The following SHISA9 variants were observed in gnomAD, a reference collection of about 807,000 sequenced individuals.
SHISA9 encodes protein shisa-9.
SHISA9 carries 13 observed loss-of-function variants against 38.0 expected under a neutral mutation model. That is an observed-to-expected ratio of 0.34 (90% CI 0.22 to 0.54). The LOEUF is 0.54. SHISA9 is among the 20% of genes least tolerant of loss of function. The pLI, the probability that SHISA9 is intolerant of heterozygous loss-of-function variation, is 0.91. For missense variants in SHISA9, 538 were observed against 575.8 expected, an observed-to-expected ratio of 0.93 and a Z score of 0.67; for synonymous variants, 275 against 242.0, an observed-to-expected ratio of 1.14 and a Z score of -1.27.
Position 13,187,290 on chromosome 16 carries a change from AC to A in SHISA9, c.692-16102del, listed in dbSNP as rs887763631. Among the ~76,000 whole-genome samples the A allele has an allele frequency of 2.7e-4, 41 of 149,644 alleles. 2 individuals carry two copies. Among genetic ancestry groups the A allele is most frequent in the Middle Eastern group, 7.1e-3 (2 of 282 alleles). ...AAACTTCTCAGGAGGTAGGATTGGC[AC>A]CTTGAGGGACAGAGAAGGCTTCTTT... On this transcript the variant is annotated intron_variant, in intron 2 of 4. Transcript: ENST00000558583.
intron 2 of SHISA9, among the ~76,000 whole-genome samples, chr16:13,097,855 C>T (rs749644169): frequency 6.6e-5 from 10 of 152,180 alleles, no homozygotes; most frequent in Non-Finnish European, 1.5e-4. Context: ...TCCTACTTCA[C>T]CAGGTTGTCC....
intron 2 of SHISA9, among the ~76,000 whole-genome samples, chr16:13,013,724 AAAT>A (rs1196892947): frequency 4.6e-5 from 7 of 152,090 alleles, no homozygotes; most frequent in African/African-American, 1.7e-4. Context: ...CAAGGCTGGA[AAAT>A]AATACCTTTT....
At position 13,203,362 on chromosome 16, in the gene SHISA9, G is replaced by T. The variant is rs941193901; in HGVS notation, c.692-32G>T. ...GAAGGTAGATGGTTCTGCCCTGTCT[G>T]TGACAATCTCCTTCTGTGTCTTCAC... On this transcript the variant is annotated intron_variant, in intron 2 of 4. Transcript: ENST00000558583. The T allele has an allele frequency of 7.3e-6, 11 of 1,496,634 alleles. No individual in the cohort carries two copies. In the Admixed American group the frequency reaches 2.6e-4, roughly 35 times the overall value. 92.7% of individuals were successfully genotyped at this position (1,496,634 alleles called of 1,614,324 possible).
At chr16:13,449,471 A>C in the SHISA9 span, among the ~76,000 whole-genome samples, 1 of 152,200 alleles carries the variant, frequency 6.6e-6, no homozygotes, top group Non-Finnish European at 1.5e-5. Flanking sequence ...TTGATTGGAA[A>C]GGAGCATGAG....
the SHISA9 span, among the ~76,000 whole-genome samples, chr16:13,533,295 C>A: frequency 6.6e-6 from 1 of 152,210 alleles, no homozygotes; most frequent in Non-Finnish European, 1.5e-5. Context: ...CAAGCCACGT[C>A]TAGATTAAAC....
intron 2 of SHISA9, among the ~76,000 whole-genome samples, chr16:13,083,333 T>A (rs1385876365): frequency 1.3e-5 from 2 of 152,154 alleles, no homozygotes; most frequent in African/African-American, 4.8e-5. Flanking sequence ...TAGAAGTGCA[T>A]CATTGTGCGA....
chr16:13,346,615 C>A, the SHISA9 span, among the ~76,000 whole-genome samples: 1 of 152,060 alleles, frequency 6.6e-6, no homozygotes, highest in African/African-American at 2.4e-5. Flanking sequence ...TGGTGGAAGT[C>A]TCTTTTATTT....
the SHISA9 span, among the ~76,000 whole-genome samples, chr16:13,413,036 C>T: frequency 6.6e-6 from 1 of 152,034 alleles, no homozygotes; most frequent in Non-Finnish European, 1.5e-5. Flanking sequence ...ACACAAAGTA[C>T]TCTAAGTGAA....
At chr16:12,968,100 G>A (rs1375206133) in intron 2 of SHISA9, among the ~76,000 whole-genome samples, 1 of 147,624 alleles carries the variant, frequency 6.8e-6, no homozygotes, top group Non-Finnish European at 1.5e-5. Flanking sequence ...TGAGGCGGGA[G>A]GATCAGTTGA....
At chr16:13,356,090 G>C in the SHISA9 span, among the ~76,000 whole-genome samples, 4 of 152,226 alleles carry the variant, frequency 2.6e-5, no homozygotes, top group African/African-American at 9.6e-5. Context: ...TCAGGCGTTT[G>C]GAAGTTCTTG....
the SHISA9 span, among the ~76,000 whole-genome samples, chr16:13,434,641 ATCT>A: frequency 6.6e-6 from 1 of 151,998 alleles, no homozygotes; most frequent in African/African-American, 2.4e-5. Context: ...GATGGTCTTA[ATCT>A]TCTGACCTCG....
intron 2 of SHISA9, among the ~76,000 whole-genome samples, chr16:13,004,962 A>AAAAAAGAAAGAAAGAAAAGAAAAG (rs1555453913): frequency 7.8e-6 from 1 of 127,636 alleles, no homozygotes; most frequent in Admixed American, 8.5e-5. Context: ...AAAAAAAGAA[A>AAAAAAGAAAGAAAGAAAAGAAAAG]AAAAGAAAGA....
intron 2 of SHISA9, among the ~76,000 whole-genome samples, chr16:13,026,022 C>G (rs2072917251): frequency 6.6e-6 from 1 of 152,100 alleles, no homozygotes; most frequent in Non-Finnish European, 1.5e-5. Flanking sequence ...TCAGGCTGGT[C>G]TCGAACTCCC....
At chr16:13,319,490 A>G in the SHISA9 span, among the ~76,000 whole-genome samples, 1 of 152,214 alleles carries the variant, frequency 6.6e-6, no homozygotes, top group Non-Finnish European at 1.5e-5. Flanking sequence ...TTATCGCACA[A>G]GAATAAAGCT....
chr16:13,349,947 T>G, the SHISA9 span, among the ~76,000 whole-genome samples: 2 of 152,192 alleles, frequency 1.3e-5, no homozygotes, highest in African/African-American at 4.8e-5. Flanking sequence ...AAGGCCCCTG[T>G]GATGGTTAAT....
chr16:13,490,863 A>T, the SHISA9 span, among the ~76,000 whole-genome samples: 5 of 152,210 alleles, frequency 3.3e-5, no homozygotes, highest in African/African-American at 1.2e-4. Flanking sequence ...AGGTTGTAAT[A>T]TATTCTCTGC....
In SHISA9 at chr16:13,035,165, A is replaced by G. The variant is rs192850330; in HGVS notation, c.691+118350A>G. Among the ~76,000 whole-genome samples the G allele has an allele frequency of 2.6e-5, 4 of 152,344 alleles. No homozygotes were observed. The East Asian group carries it at 7.7e-4, about 29-fold the overall frequency. ...AGAAAACTGATATGTTTGGAATATA[A>G]TAGAATTAATAGCTCTATATTTTGA... On this transcript the variant is annotated intron_variant, in intron 2 of 4. Transcript: ENST00000558583.
Position 13,027,938 on chromosome 16 carries a change from A to C in SHISA9, c.691+111123A>C, listed in dbSNP as rs562641082. On this transcript the variant is annotated intron_variant, in intron 2 of 4. Transcript: ENST00000558583. ...GTGAAGCTCTGTCTCAAAAACAAAAAAAAAAAAAAAAAAAAAGAATGTATA... is the reference window on the plus strand; with the variant it reads ...GTGAAGCTCTGTCTCAAAAACAAAACAAAAAAAAAAAAAAAAGAATGTATA... 5.3e-5 allele frequency among the ~76,000 whole-genome samples: 8 copies of C among 150,858 alleles called. No individual in the cohort carries two copies. In the East Asian group the frequency reaches 1.2e-3, roughly 22 times the overall value.
chr16:13,310,626 T>C, the SHISA9 span, among the ~76,000 whole-genome samples: 35 of 152,206 alleles, frequency 2.3e-4, no homozygotes, highest in Non-Finnish European at 4.3e-4. Flanking sequence ...AAATTAGAAA[T>C]GTGAATGTTT....
Sources: gnomAD v4.1 joint callset for allele counts (sites outside exome capture counted in the v4.1 genomes callset) on GRCh38, gnomAD v4.1.1 for gene constraint, MANE v1.5 for transcripts, NCBI Gene and HGNC (gene_info 2026-07-23, HGNC 2026-07-21) for gene names.